The following LRCH2 variants were observed in gnomAD, a reference collection of about 807,000 sequenced individuals.
LRCH2 encodes the protein leucine rich repeats and calponin homology domain containing 2.
In LRCH2, 38 loss-of-function variants were observed where a neutral mutation model predicts 68.9. That is an observed-to-expected ratio of 0.55 (90% CI 0.43 to 0.72). The LOEUF (loss-of-function observed/expected upper bound fraction) is 0.72. LRCH2 is among the 30% of genes least tolerant of loss of function. The pLI is 0.00. For missense variants in LRCH2, 528 were observed against 572.9 expected, an observed-to-expected ratio of 0.92 and a Z score of 0.80; for synonymous variants, 191 against 208.1, an observed-to-expected ratio of 0.92 and a Z score of 0.71.
chrX:115,198,661 T>G (rs2072908918), intron 1 of LRCH2: 1 of 154,092 alleles, frequency 6.5e-6, no homozygotes, highest in Non-Finnish European at 1.4e-5. Context: ...AAGAAAAGGG[T>G]GGGGACACAC....
At chrX:115,197,106 C>T (rs1033605994) in intron 1 of LRCH2, among the ~76,000 whole-genome samples, 2 of 111,035 alleles carry the variant, frequency 1.8e-5, no homozygotes, top group Admixed American at 9.6e-5. Flanking sequence ...AAGGCCTTAC[C>T]CAACGAACAT....
At chrX:115,147,237 T>A (rs1449815562) in intron 14 of LRCH2, among the ~76,000 whole-genome samples, 2 of 111,728 alleles carry the variant, frequency 1.8e-5, no homozygotes, top group Non-Finnish European at 3.8e-5. Context: ...TATCGGGAGA[T>A]AGGTGATTAA....
At chrX:115,139,845 G>C (rs1280919713) in intron 14 of LRCH2, among the ~76,000 whole-genome samples, 4 of 111,516 alleles carry the variant, frequency 3.6e-5, no homozygotes, top group African/African-American at 1.3e-4. Flanking sequence ...CCAGCAGCTT[G>C]AACTTAAGTT....
At chrX:115,117,908 A>C (rs1411331463) in intron 20 of LRCH2, among the ~76,000 whole-genome samples, 2 of 110,864 alleles carry the variant, frequency 1.8e-5, no homozygotes, top group African/African-American at 3.3e-5. Flanking sequence ...TGTACACTTT[A>C]TTTATATGCC....
At chrX:115,187,729 C>T (rs953999836) in intron 2 of LRCH2, among the ~76,000 whole-genome samples, 2 of 112,644 alleles carry the variant, frequency 1.8e-5, no homozygotes, top group African/African-American at 6.4e-5. Context: ...CACTTCCAAA[C>T]CTTTCAACAT....
chrX:115,178,760 T>C (rs187736816), intron 5 of LRCH2, among the ~76,000 whole-genome samples: 19 of 112,433 alleles, frequency 1.7e-4, no homozygotes, highest in African/African-American at 6.1e-4. Context: ...CTTCTGGATG[T>C]CTGCAAACCC....
intron 12 of LRCH2, among the ~76,000 whole-genome samples, chrX:115,154,783 G>C (rs1335130182): frequency 1.8e-5 from 2 of 111,045 alleles, no homozygotes; most frequent in Non-Finnish European, 3.8e-5. Context: ...AAAGCTTCTG[G>C]AGACAACATA....
intron 16 of LRCH2, 38 bp downstream of exon 16, chrX:115,126,805 A>C: frequency 9.6e-7 from 1 of 1,042,934 alleles, no homozygotes; most frequent in Non-Finnish European, 1.3e-6. Context: ...AAAACATACA[A>C]AACGTATTTT....
intron 17 of LRCH2, 23 bp from the exon 18 acceptor site, chrX:115,123,215 A>T (rs782651316): frequency 8.7e-7 from 1 of 1,144,779 alleles, no homozygotes; most frequent in Admixed American, 2.3e-5. Context: ...AAATTTCCTA[A>T]CTTGTTACAA....
intron 1 of LRCH2, among the ~76,000 whole-genome samples, chrX:115,232,773 T>TA (rs782298275): frequency 5.9e-4 from 64 of 109,254 alleles, no homozygotes; most frequent in African/African-American, 1.5e-3. Context: ...TTATAAAAAG[T>TA]AAAAAAAAAC....
intron 1 of LRCH2, among the ~76,000 whole-genome samples, chrX:115,207,295 T>C (rs374675967): frequency 9.0e-6 from 1 of 111,305 alleles, no homozygotes; most frequent in East Asian, 2.8e-4. Context: ...TCCCAACACT[T>C]TGGGAGGCCC....
intron 20 of LRCH2, among the ~76,000 whole-genome samples, chrX:115,114,244 A>C (rs1321279625): frequency 9.0e-6 from 1 of 111,250 alleles, no homozygotes; most frequent in East Asian, 2.8e-4. Context: ...TACTCCCATA[A>C]CCCATTCTCC....
intron 1 of LRCH2, among the ~76,000 whole-genome samples, chrX:115,203,836 CTG>C (rs2072946760): frequency 9.0e-6 from 1 of 111,546 alleles, no homozygotes; most frequent in African/African-American, 3.3e-5. Context: ...TCGGTACAAA[CTG>C]TCAGTCTAGA....
chrX:115,123,908 A>G (rs993018671), intron 17 of LRCH2, 37 bp downstream of exon 17: 1 of 899,902 alleles, frequency 1.1e-6, no homozygotes, highest in South Asian at 2.5e-5. Flanking sequence ...AGTTTCATAT[A>G]TAACTAATAA....
rs1221265899 is a variant in LRCH2, at chrX:115,165,319, T to C, written c.1355+86A>G. 4 of 673,670 alleles carry C rather than the reference T, an allele frequency of 5.9e-6. No individual in the cohort carries two copies. In the African/African-American group the frequency reaches 9.0e-5, roughly 15 times the overall value. 55.5% of individuals were successfully genotyped at this position (673,670 alleles called of 1,213,427 possible). The stretch of plus-strand genomic sequence containing the variant: ...AGAGGTAAGTGAACAAAAAATTATA[T>C]TTTTTTCAAGTACTCTTTCAAGTAG... On this transcript the variant is annotated intron_variant, in intron 10 of 20. Transcript: ENST00000317135.
rs374930485 is a variant in LRCH2, at chrX:115,191,148, C to T, written c.350-2778G>A. 74 of 1,162,246 alleles carry T rather than the reference C, an allele frequency of 6.4e-5. No homozygotes were observed. The East Asian group carries it at 6.6e-4, about 10-fold the overall frequency. ...ACGCCCACAGTGGGGGCTGCTCTGC[C>T]GACGCCTACAGTGGGGGCCACGACA... On this transcript the variant is annotated intron_variant, in intron 1 of 20. Transcript: ENST00000317135.
At chrX:115,220,362 A>G (rs1556573069) in intron 1 of LRCH2, among the ~76,000 whole-genome samples, 1 of 112,385 alleles carries the variant, frequency 8.9e-6, no homozygotes, top group Non-Finnish European at 1.9e-5. Context: ...AGGCAACAAT[A>G]TTATATTGAT....
chrX:115,186,200 A>T (rs2072729987), intron 2 of LRCH2, among the ~76,000 whole-genome samples: 1 of 110,895 alleles, frequency 9.0e-6, no homozygotes, highest in Admixed American at 9.6e-5. Flanking sequence ...GTCTCTACTA[A>T]AAATTAGTCG....
At chrX:115,217,745 G>A (rs1444047822) in intron 1 of LRCH2, among the ~76,000 whole-genome samples, 3 of 111,730 alleles carry the variant, frequency 2.7e-5, no homozygotes, top group Non-Finnish European at 5.6e-5. Flanking sequence ...TATATACCCA[G>A]TAATGGGATT....
Sources: gnomAD v4.1 joint callset for allele counts (sites outside exome capture counted in the v4.1 genomes callset) on GRCh38, gnomAD v4.1.1 for gene constraint, MANE v1.5 for transcripts, NCBI Gene and HGNC (gene_info 2026-07-23, HGNC 2026-07-21) for gene names.